The following UTRN variants were observed in gnomAD, a reference collection of about 807,000 sequenced individuals.
The protein encoded by UTRN is utrophin.
In UTRN, 283 loss-of-function variants were observed where a neutral mutation model predicts 463.9. That is an observed-to-expected ratio of 0.61 (90% CI 0.55 to 0.67). The LOEUF (loss-of-function observed/expected upper bound fraction) is 0.67, where lower values mean the gene tolerates loss of function less well. Among genes scored for constraint, UTRN ranks in the 30% least tolerant of loss-of-function variants. The pLI is 0.00. For missense variants in UTRN, 3,922 were observed against 4,084.3 expected (o/e 0.96, Z 1.08); for synonymous variants, 1,442 against 1,431.5 (o/e 1.01, Z -0.17).
At chr6:144,471,647 T>C (rs1411715959) in intron 23 of UTRN, among the ~76,000 whole-genome samples, 3 of 152,246 alleles carry the variant, frequency 2.0e-5, no homozygotes, top group African/African-American at 7.2e-5. Flanking sequence ...CTTGAAATGC[T>C]GGAGCAAACA....
chr6:144,592,721 C>T (rs1562619958), intron 51 of UTRN, among the ~76,000 whole-genome samples: 1 of 152,136 alleles, frequency 6.6e-6, no homozygotes, highest in Non-Finnish European at 1.5e-5. Context: ...AAGGTAGCAC[C>T]TGTTTACATA....
intron 46 of UTRN, among the ~76,000 whole-genome samples, chr6:144,545,381 G>A (rs1798311290): frequency 6.6e-6 from 1 of 152,110 alleles, no homozygotes; most frequent in Non-Finnish European, 1.5e-5. Context: ...TCCAAAGTCT[G>A]GCCTTAGTCC....
Position 144,717,477 on chromosome 6 carries a change from G to A in UTRN, c.7810-12880G>A, listed in dbSNP as rs117554589. 1.2e-4 allele frequency among the ~76,000 whole-genome samples: 18 copies of A among 152,018 alleles called. No homozygotes were observed. In the East Asian group the frequency reaches 1.7e-3, roughly 15 times the overall value. The stretch of plus-strand genomic sequence containing the variant: ...TTGCCCTTTTATTCTGGAAGAAACC[G>A]GTTCACAAAAAAACCGCTGCATTTA... On this transcript the variant is annotated intron_variant, in intron 53 of 74. Transcript: ENST00000367545.
chr6:144,697,729 A>G (rs1784168102), intron 52 of UTRN, among the ~76,000 whole-genome samples: 1 of 152,166 alleles, frequency 6.6e-6, no homozygotes, highest in African/African-American at 2.4e-5. Flanking sequence ...TTTAAAAAGT[A>G]TTGTCTTCAT....
chr6:144,530,802 A>G (rs1562532218), intron 41 of UTRN, among the ~76,000 whole-genome samples: 1 of 151,770 alleles, frequency 6.6e-6, no homozygotes, highest in East Asian at 1.9e-4. Flanking sequence ...GTGTGTGTGT[A>G]TGAGAGAGAG....
rs558411003 is a variant in UTRN, at chr6:144,378,373, T to C, written c.80-24750T>C. Among the ~76,000 whole-genome samples the C allele has an allele frequency of 6.7e-4, 102 of 152,342 alleles. 3 individuals carry two copies. The South Asian group carries it at 0.021, about 31-fold the overall frequency. Reference sequence around the variant, plus strand: ...TATACTATAGAGATCAAAGTTGACATTTCTTGCCCTCTTGGGCTTACCCAA... The same window carrying C: ...TATACTATAGAGATCAAAGTTGACACTTCTTGCCCTCTTGGGCTTACCCAA... On this transcript the variant is annotated intron_variant, in intron 2 of 74. Transcript: ENST00000367545.
chr6:144,363,181 A>G (rs1292938192), intron 2 of UTRN, among the ~76,000 whole-genome samples: 2 of 152,202 alleles, frequency 1.3e-5, no homozygotes, highest in Non-Finnish European at 2.9e-5. Flanking sequence ...AAAACACAGT[A>G]TCTTACAGAA....
intron 62 of UTRN, among the ~76,000 whole-genome samples, chr6:144,789,709 T>A (rs932694741): frequency 1.3e-5 from 2 of 152,226 alleles, no homozygotes; most frequent in Non-Finnish European, 2.9e-5. Context: ...AACTTTTTTT[T>A]ATTTCTTTAT....
chr6:144,625,737 A>G (rs116807548), intron 51 of UTRN, among the ~76,000 whole-genome samples: 42 of 152,300 alleles, frequency 2.8e-4, no homozygotes, highest in African/African-American at 9.9e-4. Flanking sequence ...TAGAATCTTT[A>G]CCTTCTGTAC....
At chr6:144,725,930 C>T (rs1296199278) in intron 53 of UTRN, among the ~76,000 whole-genome samples, 1 of 152,160 alleles carries the variant, frequency 6.6e-6, no homozygotes, top group Non-Finnish European at 1.5e-5. Flanking sequence ...GCATGGTTCC[C>T]ACCTGCCCAG....
intron 23 of UTRN, among the ~76,000 whole-genome samples, chr6:144,467,206 T>A (rs1790044158): frequency 6.6e-6 from 1 of 152,254 alleles, no homozygotes. Flanking sequence ...AAATGTCATG[T>A]ACTTGCTAGG....
At chr6:144,460,149 T>C (rs927926464) in intron 21 of UTRN, among the ~76,000 whole-genome samples, 3 of 152,168 alleles carry the variant, frequency 2.0e-5, no homozygotes, top group African/African-American at 7.2e-5. Flanking sequence ...TCTCATACTG[T>C]CTTTTAAAAG....
chr6:144,834,837 ACT>A (rs1780973116), intron 69 of UTRN, among the ~76,000 whole-genome samples: 1 of 152,054 alleles, frequency 6.6e-6, no homozygotes, highest in South Asian at 2.1e-4. Context: ...CCCATTTGAC[ACT>A]CTGATAGCTA....
intron 53 of UTRN, among the ~76,000 whole-genome samples, chr6:144,715,967 G>A (rs1786397577): frequency 6.6e-6 from 1 of 151,964 alleles, no homozygotes; most frequent in African/African-American, 2.4e-5. Context: ...ATAGCCAAAT[G>A]TTTAATAAAG....
chr6:144,607,506 A>G (rs1223690637), intron 51 of UTRN, among the ~76,000 whole-genome samples: 2 of 152,210 alleles, frequency 1.3e-5, no homozygotes, highest in Non-Finnish European at 2.9e-5. Context: ...TCTTTCTGCT[A>G]TACCAACATT....
At chr6:144,676,527 G>T (rs6927899) in intron 51 of UTRN, among the ~76,000 whole-genome samples, 86,661 of 149,022 alleles carry the variant, frequency 0.58, 26,651 homozygotes, top group East Asian at 0.86. Flanking sequence ...TTAAAAGTTT[G>T]TTTTTTTTTT....
intron 2 of UTRN, among the ~76,000 whole-genome samples, chr6:144,392,510 C>G (rs945494822): frequency 6.6e-6 from 1 of 152,156 alleles, no homozygotes; most frequent in East Asian, 1.9e-4. Flanking sequence ...TCTAATTATG[C>G]CAATTATTAA....
At chr6:144,586,642 A>G (rs1012971685) in intron 51 of UTRN, among the ~76,000 whole-genome samples, 1 of 152,094 alleles carries the variant, frequency 6.6e-6, no homozygotes, top group African/African-American at 2.4e-5. Context: ...GAACTGGGTT[A>G]TTTGTGTTAA....
At chr6:144,728,511 T>C (rs1788157319) in intron 53 of UTRN, among the ~76,000 whole-genome samples, 1 of 151,808 alleles carries the variant, frequency 6.6e-6, no homozygotes, top group Admixed American at 6.6e-5. Flanking sequence ...TCACACATCC[T>C]GCGATTTCTT....
Sources: gnomAD v4.1 joint callset for allele counts (sites outside exome capture counted in the v4.1 genomes callset) on GRCh38, gnomAD v4.1.1 for gene constraint, MANE v1.5 for transcripts, NCBI Gene and HGNC (gene_info 2026-07-23, HGNC 2026-07-21) for gene names.